EXOC4: variants seen among roughly 807,000 people sequenced by gnomAD.
EXOC4 encodes exocyst complex component 4, also known as SEC8-like 1.
EXOC4 carries 71 observed loss-of-function variants against 107.2 expected under a neutral mutation model. The observed-to-expected ratio is 0.66, with a 90% confidence interval of 0.55 to 0.81. The LOEUF (loss-of-function observed/expected upper bound fraction) is 0.81. Ranked by LOEUF, EXOC4 falls within the 30% of genes least tolerant of loss-of-function variation. EXOC4 has a pLI of 0.00. For synonymous variants in EXOC4, 456 were observed against 441.2 expected (o/e 1.03, Z -0.42); for missense variants, 1,108 against 1,189.6 (o/e 0.93, Z 1.01).
At chr7:133,483,228 G>C (rs993670113) in intron 9 of EXOC4, among the ~76,000 whole-genome samples, 1 of 152,170 alleles carries the variant, frequency 6.6e-6, no homozygotes, top group African/African-American at 2.4e-5. Context: ...ATAGGATAGA[G>C]AGCACCATGG....
chr7:133,792,247 T>C (rs1428352506), intron 10 of EXOC4, among the ~76,000 whole-genome samples: 1 of 152,172 alleles, frequency 6.6e-6, no homozygotes, highest in Non-Finnish European at 1.5e-5. Context: ...AAACAGCTCA[T>C]ATTGTTTCAT....
At chr7:133,584,657 A>C (rs1801359691) in intron 9 of EXOC4, among the ~76,000 whole-genome samples, 1 of 133,782 alleles carries the variant, frequency 7.5e-6, no homozygotes, top group African/African-American at 2.8e-5. Context: ...TAGCTTACCG[A>C]AGCCTCTGCC....
At chr7:133,652,266 T>A (rs527512311) in intron 10 of EXOC4, among the ~76,000 whole-genome samples, 1 of 152,290 alleles carries the variant, frequency 6.6e-6, no homozygotes, top group South Asian at 2.1e-4. Flanking sequence ...CCTAGACATA[T>A]AGTATCTTTG....
At chr7:134,008,114 C>A (rs1240413432) in intron 17 of EXOC4, among the ~76,000 whole-genome samples, 2 of 152,090 alleles carry the variant, frequency 1.3e-5, no homozygotes, top group African/African-American at 4.8e-5. Context: ...AGTATACATG[C>A]TCATTGCATA....
At position 133,588,934 on chromosome 7, in the gene EXOC4, G is replaced by A. The variant is rs574345514; in HGVS notation, c.1418-41111G>A. On this transcript the variant is annotated intron_variant, in intron 9 of 17. Transcript: ENST00000253861. ...TGTATATATATGTGTGTATATGTGT[G>A]TGTGTATGTATATGTGTGTGTGCAC... Among the ~76,000 whole-genome samples, 19 of 151,288 alleles carry A rather than the reference G, an allele frequency of 1.3e-4. No homozygotes were observed. The East Asian group carries it at 3.1e-3, about 25-fold the overall frequency.
chr7:134,049,838 G>A (rs779601689), intron 17 of EXOC4, among the ~76,000 whole-genome samples: 14 of 152,146 alleles, frequency 9.2e-5, no homozygotes, highest in Non-Finnish European at 1.9e-4. Context: ...AAAGGACTTC[G>A]AAAGGGACTA....
At chr7:134,048,624 GTTCTCACTGCTAGCC>G (rs1795710937) in intron 17 of EXOC4, among the ~76,000 whole-genome samples, 1 of 152,136 alleles carries the variant, frequency 6.6e-6, no homozygotes, top group African/African-American at 2.4e-5. Flanking sequence ...TATTTCTTAT[GTTCTCACTGCTAGCC>G]TTCTCTTTCC....
intron 12 of EXOC4, among the ~76,000 whole-genome samples, chr7:133,916,061 C>T (rs1012442985): frequency 2.0e-5 from 3 of 152,152 alleles, no homozygotes; most frequent in African/African-American, 7.2e-5. Context: ...CTTTTTGGCA[C>T]CAGGGACTGG....
chr7:133,457,326 G>A (rs959338532), intron 7 of EXOC4, among the ~76,000 whole-genome samples: 2 of 152,148 alleles, frequency 1.3e-5, no homozygotes, highest in African/African-American at 2.4e-5. Context: ...AAGACTCAGT[G>A]CAAGCTTCTT....
intron 10 of EXOC4, among the ~76,000 whole-genome samples, chr7:133,765,836 C>T (rs779532928): frequency 1.8e-4 from 27 of 151,930 alleles, no homozygotes; most frequent in Non-Finnish European, 3.2e-4. Context: ...TCCCTACTCT[C>T]TCTTTTTGTA....
chr7:133,839,860 A>G lies in EXOC4; in HGVS notation c.1734+22316A>G, dbSNP rs571621523. Among the ~76,000 whole-genome samples, 7 of 152,346 alleles carry G rather than the reference A, an allele frequency of 4.6e-5. No homozygotes were observed. In the East Asian group the frequency reaches 1.3e-3, roughly 29 times the overall value. On this transcript the variant is annotated intron_variant, in intron 11 of 17. Coordinates refer to ENST00000253861, the MANE Select transcript of EXOC4 (RefSeq NM_021807.4). Reference sequence around the variant, plus strand: ...TTTAGCCAACATGTATCATGTGTATATATTCAATCCATAGCACAGTCTCAG... The same window carrying G: ...TTTAGCCAACATGTATCATGTGTATGTATTCAATCCATAGCACAGTCTCAG...
At chr7:133,726,581 C>T (rs1344057975) in intron 10 of EXOC4, among the ~76,000 whole-genome samples, 1 of 152,208 alleles carries the variant, frequency 6.6e-6, no homozygotes, top group Non-Finnish European at 1.5e-5. Context: ...ATAGGCTCTG[C>T]AATTTTGCAT....
intron 7 of EXOC4, among the ~76,000 whole-genome samples, chr7:133,472,133 C>A (rs533569817): frequency 6.6e-6 from 1 of 152,064 alleles, no homozygotes; most frequent in Admixed American, 6.6e-5. Flanking sequence ...GAATAAGATA[C>A]GCTTGGAAAT....
intron 10 of EXOC4, among the ~76,000 whole-genome samples, chr7:133,688,156 T>C (rs1794346130): frequency 6.6e-6 from 1 of 152,182 alleles, no homozygotes; most frequent in African/African-American, 2.4e-5. Context: ...TGTAATTTTA[T>C]AGGGGTCTTC....
chr7:133,783,499 A>G (rs1239332150), intron 10 of EXOC4, among the ~76,000 whole-genome samples: 1 of 152,202 alleles, frequency 6.6e-6, no homozygotes, highest in Non-Finnish European at 1.5e-5. Flanking sequence ...AATGAATTTA[A>G]TATGATTCCT....
At position 133,434,595 on chromosome 7, in the gene EXOC4, A is replaced by T. The variant is rs555165287; in HGVS notation, c.1183-40733A>T. On this transcript the variant is annotated intron_variant, in intron 7 of 17. Transcript: ENST00000253861. ...GTTTGTGGTGGGGGTGGACTGAGAA[A>T]TGTAGAGGAACTGTTGGCAACATTT... 1.6e-3 allele frequency among the ~76,000 whole-genome samples: 245 copies of T among 152,300 alleles called. 1 individual carries two copies. Among genetic ancestry groups the T allele is most frequent in the African/African-American group, 5.6e-3 (231 of 41,582 alleles).
At chr7:133,462,378 A>G (rs1394485506) in intron 7 of EXOC4, among the ~76,000 whole-genome samples, 2 of 152,230 alleles carry the variant, frequency 1.3e-5, no homozygotes, top group Non-Finnish European at 2.9e-5. Flanking sequence ...TTACAGATTT[A>G]CATCTGATGG....
chr7:133,456,340 A>G (rs2150817069), intron 7 of EXOC4, among the ~76,000 whole-genome samples: 1 of 152,342 alleles, frequency 6.6e-6, no homozygotes, highest in South Asian at 2.1e-4. Context: ...ACCAAGGTCA[A>G]CAAAATGGGC....
At chr7:133,803,117 T>A (rs376373317) in intron 10 of EXOC4, among the ~76,000 whole-genome samples, 4 of 152,240 alleles carry the variant, frequency 2.6e-5, no homozygotes, top group Non-Finnish European at 5.9e-5. Context: ...TGAGCAATTT[T>A]ATGAATACTA....
Sources: allele counts gnomAD v4.1 joint callset (sites outside exome capture counted in the v4.1 genomes callset), GRCh38; gene constraint gnomAD v4.1.1; transcripts MANE v1.5; gene names NCBI Gene and HGNC (gene_info 2026-07-23, HGNC 2026-07-21).